Variants in HPSE2 observed in about 807,000 individuals in gnomAD.
HPSE2 encodes heparanase 2 (inactive), also known as inactive heparanase-2.
Under a neutral mutation model 60.5 loss-of-function variants are expected in HPSE2, and 38 were observed. That is an observed-to-expected ratio of 0.63 (90% CI 0.48 to 0.82). The LOEUF (loss-of-function observed/expected upper bound fraction) is 0.82. Among genes scored for constraint, HPSE2 ranks in the 40% least tolerant of loss-of-function variants. The pLI is 0.00. For missense variants in HPSE2, 713 were observed against 740.4 expected, an observed-to-expected ratio of 0.96 and a Z score of 0.43; for synonymous variants, 295 against 293.2, an observed-to-expected ratio of 1.01 and a Z score of -0.06.
chr10:98,585,240 C>A (rs77229346), intron 9 of HPSE2, among the ~76,000 whole-genome samples: 1 of 150,754 alleles, frequency 6.6e-6, no homozygotes. Context: ...CTACCAAAAG[C>A]GCTTCTTTAT....
At chr10:98,904,069 G>A (rs1461855707) in intron 3 of HPSE2, among the ~76,000 whole-genome samples, 1 of 152,146 alleles carries the variant, frequency 6.6e-6, no homozygotes, top group Non-Finnish European at 1.5e-5. Context: ...GTCTACAAAA[G>A]TATTGTATAA....
At chr10:98,577,705 T>G (rs1944680888) in intron 9 of HPSE2, among the ~76,000 whole-genome samples, 2 of 152,176 alleles carry the variant, frequency 1.3e-5, no homozygotes, top group Admixed American at 6.5e-5. Flanking sequence ...ATTTTGGCAG[T>G]GCCACTGAAA....
At chr10:99,101,101 T>A (rs1170288046) in intron 3 of HPSE2, among the ~76,000 whole-genome samples, 2 of 152,158 alleles carry the variant, frequency 1.3e-5, no homozygotes, top group Non-Finnish European at 2.9e-5. Context: ...AATAACCAGC[T>A]AACATCATAA....
chr10:99,086,346 C>CTTTTTTTTT (rs66562418), intron 3 of HPSE2, among the ~76,000 whole-genome samples: 1 of 82,998 alleles, frequency 1.2e-5, no homozygotes, highest in Admixed American at 1.8e-4. Context: ...AAAGTACTTT[C>CTTTTTTTTT]TTTTTTTTTT....
chr10:98,600,854 A>G (rs1010167015), intron 9 of HPSE2, among the ~76,000 whole-genome samples: 5 of 140,896 alleles, frequency 3.5e-5, no homozygotes, highest in African/African-American at 1.3e-4. Flanking sequence ...ACACACACAT[A>G]TTATATATAT....
intron 3 of HPSE2, among the ~76,000 whole-genome samples, chr10:98,810,872 G>T (rs1855984): frequency 0.065 from 9,887 of 152,162 alleles, 1,044 homozygotes; most frequent in African/African-American, 0.22. Context: ...CATGCAGCCC[G>T]TGGGCCATGG....
intron 9 of HPSE2, among the ~76,000 whole-genome samples, chr10:98,492,989 T>C (rs909023487): frequency 1.3e-5 from 2 of 152,128 alleles, no homozygotes; most frequent in Non-Finnish European, 2.9e-5. Flanking sequence ...TCATTCCCCC[T>C]CCCCCAATCT....
chr10:98,773,487 A>C (rs1950282061), intron 3 of HPSE2, among the ~76,000 whole-genome samples: 1 of 152,212 alleles, frequency 6.6e-6, no homozygotes, highest in Non-Finnish European at 1.5e-5. Flanking sequence ...TCCAATCTGC[A>C]TGTGGAAATT....
intron 9 of HPSE2, among the ~76,000 whole-genome samples, chr10:98,550,716 T>C (rs1033759132): frequency 1.3e-5 from 2 of 152,086 alleles, no homozygotes; most frequent in Non-Finnish European, 2.9e-5. Flanking sequence ...CCTCGTGATA[T>C]GCCCGCCTCG....
intron 3 of HPSE2, among the ~76,000 whole-genome samples, chr10:98,985,785 G>T (rs1431247930): frequency 6.6e-6 from 1 of 152,074 alleles, no homozygotes; most frequent in Non-Finnish European, 1.5e-5. Flanking sequence ...CAAAATAAAC[G>T]GATGGAGGAA....
chr10:99,110,874 T>C (rs923946270), intron 3 of HPSE2, among the ~76,000 whole-genome samples: 10 of 152,238 alleles, frequency 6.6e-5, no homozygotes, highest in African/African-American at 2.4e-4. Flanking sequence ...TGTTATCTTC[T>C]AAAAGCTTTA....
At chr10:99,184,580 GA>G (rs1452196076) in intron 2 of HPSE2, among the ~76,000 whole-genome samples, 2 of 110,264 alleles carry the variant, frequency 1.8e-5, no homozygotes, top group African/African-American at 8.9e-5. Flanking sequence ...AGGCCATTAA[GA>G]AATATATTAC....
At chr10:98,572,429 T>C (rs1195238780) in intron 9 of HPSE2, among the ~76,000 whole-genome samples, 1 of 152,222 alleles carries the variant, frequency 6.6e-6, no homozygotes, top group African/African-American at 2.4e-5. Flanking sequence ...AATGTGGATC[T>C]TTCTGCTTTG....
At chr10:99,183,964 C>G (rs1014803578) in intron 2 of HPSE2, among the ~76,000 whole-genome samples, 2 of 152,038 alleles carry the variant, frequency 1.3e-5, no homozygotes, top group Admixed American at 6.6e-5. Context: ...TTTTTTACCA[C>G]TCTAACAAAT....
chr10:98,941,340 T>C (rs1304454795), intron 3 of HPSE2, among the ~76,000 whole-genome samples: 4 of 123,398 alleles, frequency 3.2e-5, no homozygotes, highest in Admixed American at 8.5e-5. Flanking sequence ...AACCCCATTG[T>C]CTCAGCCCGA....
chr10:99,015,892 G>GT (rs1957130097), intron 3 of HPSE2, among the ~76,000 whole-genome samples: 2 of 152,090 alleles, frequency 1.3e-5, no homozygotes, highest in South Asian at 4.1e-4. Flanking sequence ...TTATGGGCTT[G>GT]TTTTTTTCCT....
rs74547326 is a variant in HPSE2, at chr10:98,595,515, G to A, written c.1320+19389C>T. Among the ~76,000 whole-genome samples, 748 of 152,202 alleles carry A rather than the reference G, an allele frequency of 4.9e-3. 7 individuals carry two copies. Among genetic ancestry groups the A allele is most frequent in the African/African-American group, 0.017 (722 of 41,532 alleles). On this transcript the variant is annotated intron_variant, in intron 9 of 11. Coordinates refer to ENST00000370552, the MANE Select transcript of HPSE2 (RefSeq NM_021828.5). ...TTCTTTTTCAGATAGTTTCTTGTTA[G>A]TATATTAATATGCTACTATTTTTAT...
intron 3 of HPSE2, among the ~76,000 whole-genome samples, chr10:98,962,706 T>C (rs1041200775): frequency 6.7e-6 from 1 of 150,082 alleles, no homozygotes; most frequent in Non-Finnish European, 1.5e-5. Context: ...CAAAATCTCC[T>C]TAAGCTGATA....
intron 3 of HPSE2, among the ~76,000 whole-genome samples, chr10:98,749,958 T>TATA (rs1949720955): frequency 4.8e-5 from 1 of 20,966 alleles, no homozygotes; most frequent in Non-Finnish European, 1.8e-4. Context: ...ACACACACAC[T>TATA]TACACACACA....
Sources: allele counts gnomAD v4.1 joint callset (sites outside exome capture counted in the v4.1 genomes callset), GRCh38; gene constraint gnomAD v4.1.1; transcripts MANE v1.5; gene names NCBI Gene and HGNC (gene_info 2026-07-23, HGNC 2026-07-21).